The following DYNC2I1 variants were observed in gnomAD, a reference collection of about 807,000 sequenced individuals.
DYNC2I1 encodes the protein cytoplasmic dynein 2 intermediate chain 1.
DYNC2I1 carries 89 observed loss-of-function variants against 133.4 expected under a neutral mutation model. That is an observed-to-expected ratio of 0.67 (90% CI 0.56 to 0.80). The LOEUF is 0.80. DYNC2I1 is among the 30% of genes least tolerant of loss of function. DYNC2I1 has a pLI of 0.00. For synonymous variants in DYNC2I1, 504 were observed against 484.3 expected, an observed-to-expected ratio of 1.04 and a Z score of -0.54; for missense variants, 1,291 against 1,314.5, an observed-to-expected ratio of 0.98 and a Z score of 0.28.
rs559112334 is a variant in DYNC2I1 at position 158,934,875 on chromosome 7, T to G, written c.2778+326T>G. On this transcript the variant is annotated intron_variant, in intron 23 of 24. Transcript: ENST00000407559. The stretch of plus-strand genomic sequence containing the variant: ...CACTTGCAGTGATCCATTGGAAAAT[T>G]TTAAAAGTTAATCATTTACTAGAGC... 1.8e-4 allele frequency among the ~76,000 whole-genome samples: 27 copies of G among 152,350 alleles called. 1 individual carries two copies. In the East Asian group the frequency reaches 5.0e-3, roughly 28 times the overall value.
At chr7:158,915,497 C>A (rs1467764314) in intron 14 of DYNC2I1, among the ~76,000 whole-genome samples, 3 of 147,944 alleles carry the variant, frequency 2.0e-5, no homozygotes, top group East Asian at 2.0e-4. Context: ...ATTGTGAAAC[C>A]TCGACACGGT....
At chr7:158,922,691 C>A in intron 16 of DYNC2I1, 142 bp downstream of exon 16, 1 of 771,002 alleles carries the variant, frequency 1.3e-6, no homozygotes, top group Non-Finnish European at 2.0e-6. Context: ...CTGTCTCTCA[C>A]AGCTGGCCTC....
chr7:158,886,914 A>G lies in DYNC2I1; in HGVS notation c.936-107A>G, dbSNP rs538756686. The G allele has an allele frequency of 1.1e-5, 12 of 1,062,116 alleles. No homozygotes were observed. The East Asian group carries it at 3.0e-4, about 27-fold the overall frequency. 65.8% of individuals were successfully genotyped at this position (1,062,116 alleles called of 1,614,324 possible). A position where few individuals can be genotyped will look rare whatever the true frequency, so the allele number is the denominator to read the frequency against. On this transcript the variant is annotated intron_variant, in intron 6 of 24. Transcript: ENST00000407559. Reference sequence around the variant, plus strand: ...TCGCTCCTGGTTGTAGTAGTTCTTAATCATATCAAAATATTGTTAAGAGCT... The same window carrying G: ...TCGCTCCTGGTTGTAGTAGTTCTTAGTCATATCAAAATATTGTTAAGAGCT...
intron 21 of DYNC2I1, among the ~76,000 whole-genome samples, chr7:158,932,676 C>T (rs1049292381): frequency 3.3e-5 from 5 of 151,958 alleles, no homozygotes; most frequent in African/African-American, 7.3e-5. Flanking sequence ...GTGGCAGTGG[C>T]GTAAGTTGGG....
intron 6 of DYNC2I1, 26 bp from the exon 7 acceptor site, chr7:158,886,995 T>C: frequency 6.2e-7 from 1 of 1,609,286 alleles, no homozygotes; most frequent in Non-Finnish European, 8.5e-7. Flanking sequence ...AAGTAAGTTT[T>C]GATTTTGATT....
downstream of DYNC2I1, among the ~76,000 whole-genome samples, chr7:158,956,953 C>T (rs1045015467): frequency 2.0e-5 from 3 of 152,262 alleles, no homozygotes; most frequent in South Asian, 2.1e-4. Flanking sequence ...CGTGAGCTGC[C>T]GTCCACACTC....
chr7:158,930,068 G>A (rs1850066573), intron 20 of DYNC2I1, among the ~76,000 whole-genome samples: 1 of 152,202 alleles, frequency 6.6e-6, no homozygotes, highest in Non-Finnish European at 1.5e-5. Context: ...CAAGTTTCCT[G>A]TAGGCGTTGG....
chr7:158,906,981 G>T (rs1846885184), intron 11 of DYNC2I1, among the ~76,000 whole-genome samples: 1 of 152,114 alleles, frequency 6.6e-6, no homozygotes, highest in Non-Finnish European at 1.5e-5. Context: ...GCAGCATAGC[G>T]AGACGCACCT....
intron 7 of DYNC2I1, 36 bp from the exon 8 acceptor site, chr7:158,891,229 G>A (rs755608620): frequency 6.2e-7 from 1 of 1,613,320 alleles, no homozygotes; most frequent in East Asian, 2.2e-5. Context: ...AGTCCCACCT[G>A]TGTCCTGGCT....
At chr7:158,880,895 A>G (rs1449625870) in intron 5 of DYNC2I1, among the ~76,000 whole-genome samples, 1 of 152,158 alleles carries the variant, frequency 6.6e-6, no homozygotes, top group African/African-American at 2.4e-5. Flanking sequence ...TTTAAGATGG[A>G]AGCAAAATCT....
intron 21 of DYNC2I1, among the ~76,000 whole-genome samples, chr7:158,932,551 C>T (rs968791457): frequency 2.0e-5 from 3 of 151,956 alleles, no homozygotes; most frequent in African/African-American, 4.8e-5. Context: ...CAGGCCCTAA[C>T]GAGTCTGTCT....
intron 1 of DYNC2I1, among the ~76,000 whole-genome samples, chr7:158,858,857 C>G (rs1481361301): frequency 2.9e-5 from 2 of 68,798 alleles, no homozygotes; most frequent in Admixed American, 3.2e-4. Flanking sequence ...CCCTTCCTCT[C>G]CCCTCCCCTT....
chr7:158,946,938 G>A (rs1289977652), downstream of DYNC2I1, among the ~76,000 whole-genome samples: 2 of 152,198 alleles, frequency 1.3e-5, no homozygotes, highest in Non-Finnish European at 2.9e-5. Flanking sequence ...CGGCTGTGAC[G>A]CTGCAGACAC....
At chr7:158,864,318 G>GA (rs1376551864) in intron 1 of DYNC2I1, among the ~76,000 whole-genome samples, 1 of 152,116 alleles carries the variant, frequency 6.6e-6, no homozygotes, top group Non-Finnish European at 1.5e-5. Context: ...CCATGTAGAT[G>GA]AATGTCACAG....
At chr7:158,874,515 C>T (rs554360245) in intron 3 of DYNC2I1, among the ~76,000 whole-genome samples, 24 of 152,216 alleles carry the variant, frequency 1.6e-4, no homozygotes, top group African/African-American at 5.3e-4. Flanking sequence ...CTCATTTTTT[C>T]AGTGTGGTGT....
intron 1 of DYNC2I1, among the ~76,000 whole-genome samples, chr7:158,862,487 A>T (rs964548535): frequency 1.0e-4 from 14 of 140,194 alleles, no homozygotes; most frequent in South Asian, 2.4e-4. Context: ...GCACTTTGGG[A>T]GGGAGGATTG....
At chr7:158,872,205 A>G (rs1584979924) in intron 3 of DYNC2I1, among the ~76,000 whole-genome samples, 1 of 152,196 alleles carries the variant, frequency 6.6e-6, no homozygotes, top group Non-Finnish European at 1.5e-5. Context: ...AGTTCTAGCT[A>G]TTTGGTAGGC....
At chr7:158,948,956 A>C (rs867364344), downstream of DYNC2I1, among the ~76,000 whole-genome samples, 2 of 152,202 alleles carry the variant, frequency 1.3e-5, no homozygotes, top group African/African-American at 2.4e-5. Context: ...CGGCCCTCCT[A>C]CTAAGGAAGG....
chr7:158,896,772 C>G (rs975902913), intron 8 of DYNC2I1, among the ~76,000 whole-genome samples: 1 of 151,042 alleles, frequency 6.6e-6, no homozygotes, highest in Admixed American at 6.6e-5. Context: ...TGTGCCTGGC[C>G]CTATGTGATT....
Sources: allele counts gnomAD v4.1 joint callset (sites outside exome capture counted in the v4.1 genomes callset), GRCh38; gene constraint gnomAD v4.1.1; transcripts MANE v1.5; gene names NCBI Gene and HGNC (gene_info 2026-07-23, HGNC 2026-07-21).